L3MBTL4: variants seen among roughly 807,000 people sequenced by gnomAD.
L3MBTL4 encodes L3MBTL histone methyl-lysine binding protein 4.
In L3MBTL4, 70 loss-of-function variants were observed where a neutral mutation model predicts 84.5. The observed-to-expected ratio is 0.83, with a 90% confidence interval of 0.68 to 1.01. The LOEUF (loss-of-function observed/expected upper bound fraction) is 1.01. Ranked by LOEUF, L3MBTL4 falls within the 50% of genes least tolerant of loss-of-function variation. L3MBTL4 has a pLI of 0.00. For synonymous variants in L3MBTL4, 274 were observed against 259.8 expected (o/e 1.05, Z -0.52); for missense variants, 715 against 754.8 (o/e 0.95, Z 0.62).
chr18:5,988,035 A>G (rs2053540081), intron 16 of L3MBTL4, among the ~76,000 whole-genome samples: 1 of 152,266 alleles, frequency 6.6e-6, no homozygotes, highest in Non-Finnish European at 1.5e-5. Flanking sequence ...AGAAATAATG[A>G]AATTTCTTGC....
chr18:6,291,834 CA>C, intron 4 of L3MBTL4, among the ~76,000 whole-genome samples: 1 of 152,234 alleles, frequency 6.6e-6, no homozygotes, highest in South Asian at 2.1e-4. Context: ...ACAACCAAAT[CA>C]AAAATAGACA....
intron 13 of L3MBTL4, among the ~76,000 whole-genome samples, chr18:6,151,906 C>G (rs905901979): frequency 2.6e-5 from 4 of 152,134 alleles, no homozygotes; most frequent in African/African-American, 9.7e-5. Flanking sequence ...CCCCTCAGCC[C>G]CTGGTAAACA....
At chr18:6,137,237 C>G (rs896552190) in intron 14 of L3MBTL4, among the ~76,000 whole-genome samples, 3 of 152,152 alleles carry the variant, frequency 2.0e-5, no homozygotes, top group Non-Finnish European at 2.9e-5. Flanking sequence ...GCCAAGCAGT[C>G]TTCATGTCTT....
At chr18:6,133,350 C>A (rs934860919) in intron 14 of L3MBTL4, among the ~76,000 whole-genome samples, 6 of 151,918 alleles carry the variant, frequency 3.9e-5, no homozygotes. Context: ...CACACACACA[C>A]ACACACACTC....
intron 16 of L3MBTL4, among the ~76,000 whole-genome samples, chr18:6,014,923 T>C (rs1389891210): frequency 6.6e-6 from 1 of 151,538 alleles, no homozygotes; most frequent in Non-Finnish European, 1.5e-5. Context: ...AGAAATCAAG[T>C]GAGAAATCCT....
chr18:6,212,713 A>C (rs2046161613), intron 12 of L3MBTL4, among the ~76,000 whole-genome samples: 1 of 152,244 alleles, frequency 6.6e-6, no homozygotes, highest in South Asian at 2.1e-4. Context: ...AAAGAAGCTT[A>C]ATAAAAAGAA....
chr18:6,314,036 T>TGATAGATAGATA (rs5822890), intron 1 of L3MBTL4, among the ~76,000 whole-genome samples: 3 of 149,678 alleles, frequency 2.0e-5, no homozygotes, highest in Non-Finnish European at 4.4e-5. Flanking sequence ...GGATGGCAGA[T>TGATAGATAGATA]GATAGATAGA....
At chr18:6,104,843 G>A (rs1222930789) in intron 14 of L3MBTL4, among the ~76,000 whole-genome samples, 1 of 152,120 alleles carries the variant, frequency 6.6e-6, no homozygotes, top group African/African-American at 2.4e-5. Flanking sequence ...AAAGAAGTTG[G>A]TTGCCAATTA....
At chr18:6,144,009 A>G (rs765099420) in intron 13 of L3MBTL4, among the ~76,000 whole-genome samples, 11 of 152,078 alleles carry the variant, frequency 7.2e-5, no homozygotes, top group African/African-American at 1.2e-4. Flanking sequence ...TATCCTGGCT[A>G]ACACGGTGAA....
intron 10 of L3MBTL4, among the ~76,000 whole-genome samples, chr18:6,232,755 GA>G (rs199581245): frequency 1.1e-3 from 170 of 150,978 alleles, no homozygotes; most frequent in African/African-American, 3.9e-3. Context: ...GTTATCAGAA[GA>G]AAAAAAAGTT....
At chr18:6,143,443 G>C (rs1436367237) in intron 13 of L3MBTL4, among the ~76,000 whole-genome samples, 1 of 152,180 alleles carries the variant, frequency 6.6e-6, no homozygotes, top group Admixed American at 6.5e-5. Flanking sequence ...AAGTATAATA[G>C]GTTGAATCAA....
At chr18:6,396,473 C>T (rs1370490639) in intron 1 of L3MBTL4, 1 of 152,274 alleles carries the variant, frequency 6.6e-6, no homozygotes, top group African/African-American at 2.4e-5. Context: ...TCTTGAACCA[C>T]CCAGAATAGT....
Position 6,212,777 on chromosome 18 carries a change from C to G in L3MBTL4, c.981+372G>C, listed in dbSNP as rs572643308. ...CAAACAGAAAAGTATTAGAATATCTCTCAAAGTCAGTCATGTCTCATCTAC... is the reference window on the plus strand; with the variant it reads ...CAAACAGAAAAGTATTAGAATATCTGTCAAAGTCAGTCATGTCTCATCTAC... On this transcript the variant is annotated intron_variant, in intron 12 of 18. Coordinates refer to ENST00000317931, the MANE Select transcript of L3MBTL4 (RefSeq NM_001330559.2). 1.0e-3 allele frequency among the ~76,000 whole-genome samples: 154 copies of G among 152,304 alleles called. 1 individual carries two copies. Among genetic ancestry groups the G allele is most frequent in the African/African-American group, 3.6e-3 (149 of 41,564 alleles).
intron 12 of L3MBTL4, among the ~76,000 whole-genome samples, chr18:6,180,244 T>C (rs2044407521): frequency 6.6e-6 from 1 of 152,010 alleles, no homozygotes; most frequent in African/African-American, 2.4e-5. Context: ...GAAAAATATA[T>C]ATATACCTTC....
chr18:6,166,231 G>C lies in L3MBTL4; in HGVS notation c.1096+5597C>G, dbSNP rs1319219776. Among the ~76,000 whole-genome samples the C allele has an allele frequency of 2.6e-5, 4 of 152,162 alleles. No individual in the cohort carries two copies. The East Asian group carries it at 5.8e-4, about 22-fold the overall frequency. ...TTAGACTCCCAAACAATAATAATGG[G>C]AGACTTTAACACCCCGCTGTCAACA... is the stretch of plus-strand genomic sequence containing the variant. On this transcript the variant is annotated intron_variant, in intron 13 of 18. Transcript: ENST00000317931.
Position 6,024,834 on chromosome 18 carries a change from C to T in L3MBTL4, c.1445-55272G>A, listed in dbSNP as rs541891579. Among the ~76,000 whole-genome samples the T allele has an allele frequency of 4.6e-5, 7 of 152,208 alleles. No homozygotes were observed. The South Asian group carries it at 1.5e-3, about 32-fold the overall frequency. ...TCATATTCAGTTTGGTTTTTGGTTTCACACAACAGGGTGGTTAATTAAAAC... is the reference window on the plus strand; with the variant it reads ...TCATATTCAGTTTGGTTTTTGGTTTTACACAACAGGGTGGTTAATTAAAAC... On this transcript the variant is annotated intron_variant, in intron 16 of 18. Coordinates refer to ENST00000317931, the MANE Select transcript of L3MBTL4 (RefSeq NM_001330559.2).
At chr18:6,295,346 C>CTCTCTCTCTATATATATA (rs1261475809) in intron 4 of L3MBTL4, among the ~76,000 whole-genome samples, 1 of 81,382 alleles carries the variant, frequency 1.2e-5, no homozygotes, top group African/African-American at 6.6e-5. Flanking sequence ...CTCTCTCTCT[C>CTCTCTCTCTATATATATA]TATATATATA....
At chr18:6,190,124 C>T (rs1157254436) in intron 12 of L3MBTL4, among the ~76,000 whole-genome samples, 1 of 152,074 alleles carries the variant, frequency 6.6e-6, no homozygotes, top group Non-Finnish European at 1.5e-5. Context: ...ATAGAGATTG[C>T]CAGACTAAAT....
intron 13 of L3MBTL4, among the ~76,000 whole-genome samples, chr18:6,159,572 T>C (rs1236978211): frequency 6.6e-6 from 1 of 152,330 alleles, no homozygotes; most frequent in East Asian, 1.9e-4. Context: ...TCTTCTTAAG[T>C]TGGAGATGCA....
Sources: gnomAD v4.1 joint callset for allele counts (sites outside exome capture counted in the v4.1 genomes callset) on GRCh38, gnomAD v4.1.1 for gene constraint, MANE v1.5 for transcripts, NCBI Gene and HGNC (gene_info 2026-07-23, HGNC 2026-07-21) for gene names.